Variants in PTPRD observed in about 807,000 individuals in gnomAD.
PTPRD encodes the protein protein tyrosine phosphatase receptor type D.
Under a neutral mutation model 214.5 loss-of-function variants are expected in PTPRD, and 34 were observed. That is an observed-to-expected ratio of 0.16 (90% CI 0.12 to 0.21). PTPRD has a LOEUF of 0.21. Ranked by LOEUF, PTPRD falls within the 10% of genes least tolerant of loss-of-function variation. The pLI is 1.00. For missense variants in PTPRD, 2,545 were observed against 2,398.7 expected (o/e 1.06, Z -1.27); for synonymous variants, 1,128 against 845.7 (o/e 1.33, Z -5.79).
chr9:8,391,636 A>T (rs1215540738), intron 36 of PTPRD, among the ~76,000 whole-genome samples: 1 of 152,198 alleles, frequency 6.6e-6, no homozygotes, highest in South Asian at 2.1e-4. Flanking sequence ...AGCAACATTA[A>T]AGAATTGATA....
intron 11 of PTPRD, among the ~76,000 whole-genome samples, chr9:8,773,111 C>T (rs561988324): frequency 6.6e-6 from 1 of 152,166 alleles, no homozygotes; most frequent in East Asian, 1.9e-4. Flanking sequence ...AGGCAATATT[C>T]CCAGCCCTGT....
intron 9 of PTPRD, among the ~76,000 whole-genome samples, chr9:9,357,480 T>C (rs1376714777): frequency 6.6e-6 from 1 of 151,236 alleles, no homozygotes; most frequent in Non-Finnish European, 1.5e-5. Flanking sequence ...GTGAGAACTT[T>C]GAATGGCGTT....
intron 3 of PTPRD, among the ~76,000 whole-genome samples, chr9:10,185,405 G>C (rs779920406): frequency 2.0e-5 from 3 of 152,124 alleles, no homozygotes; most frequent in Non-Finnish European, 2.9e-5. Flanking sequence ...GAGAAGTCTT[G>C]TCACTACTCT....
At chr9:9,950,979 TG>T (rs986062708) in intron 4 of PTPRD, among the ~76,000 whole-genome samples, 29 of 152,106 alleles carry the variant, frequency 1.9e-4, no homozygotes, top group Non-Finnish European at 3.4e-4. Flanking sequence ...GAATAGAATT[TG>T]GGGGCTGGAT....
In PTPRD at chr9:8,748,977, T is replaced by C. The variant is rs533225066; in HGVS notation, c.-103-15031A>G. On this transcript the variant is annotated intron_variant, in intron 11 of 45. Transcript: ENST00000381196. ...TGGTCCATACACTCCATCACACAAA[T>C]TTAGTGCTTATTTCAACACACATGT... Among the ~76,000 whole-genome samples the C allele has an allele frequency of 1.1e-4, 16 of 151,990 alleles. No homozygotes were observed. In the East Asian group the frequency reaches 2.9e-3, roughly 27 times the overall value.
chr9:8,943,967 C>T (rs928224186), intron 11 of PTPRD, among the ~76,000 whole-genome samples: 4 of 151,722 alleles, frequency 2.6e-5, no homozygotes, highest in African/African-American at 7.3e-5. Flanking sequence ...AGAGACAACA[C>T]ATGGAATGGG....
chr9:8,331,165 C>G (rs10758954), intron 44 of PTPRD, among the ~76,000 whole-genome samples: 57 of 151,962 alleles, frequency 3.8e-4, no homozygotes, highest in Non-Finnish European at 6.8e-4. Flanking sequence ...ACTGGCAGAA[C>G]TTAATATTGT....
chr9:8,841,865 G>C (rs2097565096), intron 11 of PTPRD, among the ~76,000 whole-genome samples: 1 of 151,952 alleles, frequency 6.6e-6, no homozygotes, highest in South Asian at 2.1e-4. Context: ...ACAAAAATTA[G>C]CCAGGTGTGG....
chr9:8,792,605 G>T (rs2096272209), intron 11 of PTPRD, among the ~76,000 whole-genome samples: 1 of 152,204 alleles, frequency 6.6e-6, no homozygotes, highest in Non-Finnish European at 1.5e-5. Context: ...CAGCTGAGAA[G>T]AGGGGCTTGT....
At chr9:9,820,378 A>ATAT (rs1355167214) in intron 5 of PTPRD, among the ~76,000 whole-genome samples, 3 of 152,054 alleles carry the variant, frequency 2.0e-5, no homozygotes, top group Admixed American at 2.0e-4. Flanking sequence ...TAGATTGTGA[A>ATAT]TATTAGGCCT....
intron 9 of PTPRD, among the ~76,000 whole-genome samples, chr9:9,267,981 C>G (rs1266676659): frequency 6.6e-6 from 1 of 151,018 alleles, no homozygotes; most frequent in Non-Finnish European, 1.5e-5. Context: ...ACAAGGATGT[C>G]CACTCTCGCC....
At chr9:10,544,849 A>G (rs1357942478) in intron 2 of PTPRD, among the ~76,000 whole-genome samples, 1 of 152,218 alleles carries the variant, frequency 6.6e-6, no homozygotes, top group Non-Finnish European at 1.5e-5. Context: ...AATTTTGGAC[A>G]TTACTACATA....
At chr9:10,361,732 G>C (rs747154543) in intron 2 of PTPRD, among the ~76,000 whole-genome samples, 5 of 152,072 alleles carry the variant, frequency 3.3e-5, no homozygotes, top group African/African-American at 9.7e-5. Context: ...GTATTGAATA[G>C]TATTATACTA....
intron 2 of PTPRD, among the ~76,000 whole-genome samples, chr9:10,577,809 C>A (rs1179636939): frequency 1.3e-5 from 2 of 151,978 alleles, no homozygotes; most frequent in African/African-American, 2.4e-5. Flanking sequence ...TTTTTGAAGG[C>A]CTTCAAATTA....
At chr9:10,555,719 A>T (rs2062411477) in intron 2 of PTPRD, among the ~76,000 whole-genome samples, 1 of 152,228 alleles carries the variant, frequency 6.6e-6, no homozygotes, top group Admixed American at 6.5e-5. Flanking sequence ...AATTTTAAAA[A>T]TTGAAAAGAA....
At position 9,849,061 on chromosome 9, in the gene PTPRD, A is replaced by G. The variant is rs986827723; in HGVS notation, c.-367-82210T>C. Among the ~76,000 whole-genome samples the G allele has an allele frequency of 1.7e-4, 26 of 151,722 alleles. 1 individual carries two copies. Among genetic ancestry groups the G allele is most frequent in the African/African-American group, 6.3e-4 (26 of 41,416 alleles). ...TTTGGATGGTCACTTAAATACATAGACACACCCTGTTTTACCCTATGTTTT... is the reference window on the plus strand; with the variant it reads ...TTTGGATGGTCACTTAAATACATAGGCACACCCTGTTTTACCCTATGTTTT... On this transcript the variant is annotated intron_variant, in intron 5 of 45. Transcript: ENST00000381196.
chr9:10,479,825 A>G (rs1273310975), intron 2 of PTPRD, among the ~76,000 whole-genome samples: 1 of 152,040 alleles, frequency 6.6e-6, no homozygotes, highest in Non-Finnish European at 1.5e-5. Flanking sequence ...CATCTTAGAA[A>G]AAGAACAAAC....
intron 5 of PTPRD, among the ~76,000 whole-genome samples, chr9:9,803,260 A>T (rs1160154013): frequency 6.6e-6 from 1 of 151,760 alleles, no homozygotes; most frequent in East Asian, 1.9e-4. Flanking sequence ...AAAGAAAAAA[A>T]AAAAAAGCAA....
At chr9:10,278,199 C>T (rs746543455) in intron 3 of PTPRD, among the ~76,000 whole-genome samples, 3 of 151,626 alleles carry the variant, frequency 2.0e-5, no homozygotes, top group Admixed American at 6.6e-5. Flanking sequence ...CAACTTGTGG[C>T]CTCTAGGAAC....
Sources: gnomAD v4.1 joint callset for allele counts (sites outside exome capture counted in the v4.1 genomes callset) on GRCh38, gnomAD v4.1.1 for gene constraint, MANE v1.5 for transcripts, NCBI Gene and HGNC (gene_info 2026-07-23, HGNC 2026-07-21) for gene names.